The following ANXA4 variants were observed in gnomAD, a reference collection of about 807,000 sequenced individuals.
ANXA4 encodes annexin A4.
In ANXA4, 39 loss-of-function variants were observed where a neutral mutation model predicts 49.8. The ratio of observed to expected loss-of-function variants is 0.78; its 90% confidence interval spans 0.61 to 1.02. The LOEUF is 1.02. Among genes scored for constraint, ANXA4 ranks in the 50% least tolerant of loss-of-function variants. ANXA4 has a pLI of 0.00. For synonymous variants in ANXA4, 134 were observed against 152.5 expected, an observed-to-expected ratio of 0.88 and a Z score of 0.89; for missense variants, 360 against 410.1, an observed-to-expected ratio of 0.88 and a Z score of 1.05.
intron 2 of ANXA4, among the ~76,000 whole-genome samples, chr2:69,685,890 T>C (rs1260223241): frequency 6.6e-6 from 1 of 152,138 alleles, no homozygotes; most frequent in Non-Finnish European, 1.5e-5. Flanking sequence ...ATCTCTGTAG[T>C]GTAAATACTC....
At chr2:69,775,802 C>T (rs1671937094) in intron 1 of ANXA4, among the ~76,000 whole-genome samples, 1 of 152,172 alleles carries the variant, frequency 6.6e-6, no homozygotes, top group African/African-American at 2.4e-5. Context: ...TCTAGCTATG[C>T]ATGCAGGGCT....
At chr2:69,702,201 A>T (rs1678351727) in intron 2 of ANXA4, among the ~76,000 whole-genome samples, 1 of 151,550 alleles carries the variant, frequency 6.6e-6, no homozygotes, top group African/African-American at 2.4e-5. Flanking sequence ...TTTAGTAGAG[A>T]TAGGTTTTGC....
At chr2:69,664,855 C>T (rs1676876300) in intron 2 of ANXA4, among the ~76,000 whole-genome samples, 2 of 152,182 alleles carry the variant, frequency 1.3e-5, no homozygotes, top group African/African-American at 4.8e-5. Context: ...GTAATCCCAG[C>T]ACTTTGGGAG....
At chr2:69,733,027 A>G (rs1670146065) in intron 3 of ANXA4, among the ~76,000 whole-genome samples, 1 of 152,214 alleles carries the variant, frequency 6.6e-6, no homozygotes, top group Non-Finnish European at 1.5e-5. Flanking sequence ...TTCTTTGCAA[A>G]TAAATATGTT....
intron 2 of ANXA4, among the ~76,000 whole-genome samples, chr2:69,673,494 G>C (rs1677270775): frequency 6.7e-6 from 1 of 150,120 alleles, no homozygotes; most frequent in East Asian, 2.0e-4. Flanking sequence ...CACACGCTGG[G>C]GTTGGGGGTT....
At chr2:69,762,697 C>T (rs572542355) in intron 1 of ANXA4, among the ~76,000 whole-genome samples, 18 of 152,298 alleles carry the variant, frequency 1.2e-4, no homozygotes, top group East Asian at 1.9e-4. Flanking sequence ...CCATGATTCG[C>T]GCCCCAACAC....
At chr2:69,804,385 CAA>C in intron 3 of ANXA4, 146 bp from the exon 4 acceptor site, 1 of 652,106 alleles carries the variant, frequency 1.5e-6, no homozygotes, top group Non-Finnish European at 2.6e-6. Flanking sequence ...ATCTGTTTCC[CAA>C]AAAGTAGACA....
At chr2:69,755,579 C>A (rs931411259) in intron 1 of ANXA4, among the ~76,000 whole-genome samples, 1 of 152,142 alleles carries the variant, frequency 6.6e-6, no homozygotes, top group Non-Finnish European at 1.5e-5. Context: ...CCACTGCACT[C>A]CAGCCTGGGC....
At chr2:69,657,675 G>A (rs1676557209) in intron 2 of ANXA4, among the ~76,000 whole-genome samples, 1 of 151,964 alleles carries the variant, frequency 6.6e-6, no homozygotes, top group African/African-American at 2.4e-5. Context: ...GTAAATTTAA[G>A]CTTTTAACTT....
intron 2 of ANXA4, among the ~76,000 whole-genome samples, chr2:69,691,055 A>C (rs1677947671): frequency 6.6e-6 from 1 of 152,024 alleles, no homozygotes; most frequent in Non-Finnish European, 1.5e-5. Flanking sequence ...GGTAGCAGAA[A>C]TATCAAGTTT....
At chr2:69,647,731 A>AT (rs1413670882) in intron 1 of ANXA4, among the ~76,000 whole-genome samples, 6 of 152,006 alleles carry the variant, frequency 3.9e-5, no homozygotes, top group East Asian at 1.9e-4. Flanking sequence ...AAATAATTAT[A>AT]TAAAAAATAG....
At chr2:69,659,070 A>G (rs923750126) in intron 2 of ANXA4, among the ~76,000 whole-genome samples, 14 of 152,332 alleles carry the variant, frequency 9.2e-5, no homozygotes, top group South Asian at 4.1e-4. Context: ...GTATCTAGTT[A>G]GTAAAGTCAG....
At chr2:69,682,341 A>G (rs916634374) in intron 2 of ANXA4, among the ~76,000 whole-genome samples, 1 of 152,024 alleles carries the variant, frequency 6.6e-6, no homozygotes, top group Non-Finnish European at 1.5e-5. Context: ...ATTTTCTTTA[A>G]GATATTTTAC....
intron 1 of ANXA4, among the ~76,000 whole-genome samples, chr2:69,765,269 G>C (rs767764835): frequency 2.0e-5 from 3 of 152,192 alleles, no homozygotes. Flanking sequence ...GGACCATATG[G>C]TAATTCTATT....
At chr2:69,661,925 C>A (rs2105325293) in intron 2 of ANXA4, among the ~76,000 whole-genome samples, 1 of 152,278 alleles carries the variant, frequency 6.6e-6, no homozygotes, top group South Asian at 2.1e-4. Flanking sequence ...AAGAATCATG[C>A]AGTGGCTCTC....
rs1573314477 is a variant in ANXA4, at chr2:69,816,454, TC to T, written c.628+261del. ...ATTCTTGTTTCTAGGAAACTGACCT[TC>T]ACAGTCAGTCCTTTTTCTAAAGTAG... On this transcript the variant is annotated intron_variant, in intron 9 of 12. Transcript: ENST00000394295. 2.3e-5 allele frequency: 8 copies of T among 346,502 alleles called. No homozygotes were observed. In the East Asian group the frequency reaches 4.1e-4, roughly 18 times the overall value. The allele number at this position is 346,502 out of a possible 1,614,324, so 21.5% of individuals were successfully genotyped here. A position where few individuals can be genotyped will look rare whatever the true frequency, so the allele number is the denominator to read the frequency against.
chr2:69,725,892 T>C (rs1338514993), intron 3 of ANXA4, among the ~76,000 whole-genome samples: 1 of 152,246 alleles, frequency 6.6e-6, no homozygotes, highest in East Asian at 1.9e-4. Flanking sequence ...CACAAAATTC[T>C]GTAAAATATG....
intron 3 of ANXA4, among the ~76,000 whole-genome samples, chr2:69,802,763 G>A (rs917311498): frequency 6.6e-6 from 1 of 151,852 alleles, no homozygotes; most frequent in Admixed American, 6.6e-5. Context: ...TGGCTTGACT[G>A]GGGGGAAGAG....
intron 3 of ANXA4, among the ~76,000 whole-genome samples, chr2:69,730,340 A>G (rs952045869): frequency 1.3e-5 from 2 of 152,174 alleles, no homozygotes; most frequent in African/African-American, 2.4e-5. Context: ...CATCTCTACT[A>G]AAAATACAAA....
Sources: allele counts gnomAD v4.1 joint callset (sites outside exome capture counted in the v4.1 genomes callset), GRCh38; gene constraint gnomAD v4.1.1; transcripts MANE v1.5; gene names NCBI Gene and HGNC (gene_info 2026-07-23, HGNC 2026-07-21).